The following XRCC6 variants were observed in gnomAD, a reference collection of about 807,000 sequenced individuals.
XRCC6 encodes X-ray repair cross complementing 6.
Under a neutral mutation model 65.7 loss-of-function variants are expected in XRCC6, and 5 were observed. That is an observed-to-expected ratio of 0.08 (90% CI 0.04 to 0.16). The LOEUF is 0.16. XRCC6 is among the 10% of genes least tolerant of loss of function. XRCC6 has a pLI of 1.00. For missense variants in XRCC6, 447 were observed against 738.1 expected, an observed-to-expected ratio of 0.61 and a Z score of 4.57; for synonymous variants, 270 against 270.6, an observed-to-expected ratio of 1.00 and a Z score of 0.02.
intron 10 of XRCC6, among the ~76,000 whole-genome samples, chr22:41,657,490 T>TATTA (rs1491537473): frequency 1.0e-4 from 14 of 138,244 alleles, no homozygotes; most frequent in Non-Finnish European, 2.2e-4. Context: ...TTTTTAAAAA[T>TATTA]TTATTATTAT....
chr22:41,640,000 A>C (rs2067857936), intron 6 of XRCC6, among the ~76,000 whole-genome samples: 1 of 151,570 alleles, frequency 6.6e-6, no homozygotes, highest in South Asian at 2.1e-4. Flanking sequence ...TAGAATCCTA[A>C]AGGTTACTCA....
intron 7 of XRCC6, among the ~76,000 whole-genome samples, chr22:41,649,140 ATATATATAT>A (rs1569093119): frequency 4.3e-5 from 4 of 92,794 alleles, no homozygotes; most frequent in South Asian, 3.9e-4. Flanking sequence ...AAAAAAAAAA[ATATATATAT>A]ATATATATAT....
chr22:41,658,167 CTGTAGTATCTCA>C (rs1223786342), intron 10 of XRCC6, 73 bp from the exon 11 acceptor site: 5 of 1,382,152 alleles, frequency 3.6e-6, no homozygotes, highest in Non-Finnish European at 5.1e-6. Context: ...CACCCCGGAC[CTGTAGTATCTCA>C]GGTGGTTTTA....
intron 5 of XRCC6, 76 bp downstream of exon 5, chr22:41,636,846 G>T (rs111512580): frequency 7.3e-6 from 11 of 1,514,534 alleles, no homozygotes; most frequent in African/African-American, 4.2e-5. Context: ...TAGGAGTTCA[G>T]GAGTCTTGGC....
rs568340543 is a variant in XRCC6 at position 41,633,025 on chromosome 22, G to C, written c.196-3088G>C. Among the ~76,000 whole-genome samples, 12 of 152,172 alleles carry C rather than the reference G, an allele frequency of 7.9e-5. No individual in the cohort carries two copies. The South Asian group carries it at 2.1e-3, about 26-fold the overall frequency. ...GCCTGTAGTCTCAGCTACTCCAGAG[G>C]CTGAGGCAGGAGAATCGCTTGCACC... On this transcript the variant is annotated intron_variant, in intron 3 of 12. Transcript: ENST00000360079.
chr22:41,627,094 A>C (rs1193497125), intron 2 of XRCC6, among the ~76,000 whole-genome samples: 1 of 152,190 alleles, frequency 6.6e-6, no homozygotes, highest in Non-Finnish European at 1.5e-5. Context: ...TTTTTTAAAA[A>C]GGCAATCAGC....
intron 2 of XRCC6, among the ~76,000 whole-genome samples, chr22:41,624,142 T>C (rs1179924798): frequency 6.6e-6 from 1 of 151,944 alleles, no homozygotes; most frequent in Non-Finnish European, 1.5e-5. Context: ...CCCAACACTT[T>C]GGGAGGCTGA....
chr22:41,661,942 T>C (rs2068103668), intron 12 of XRCC6, among the ~76,000 whole-genome samples: 1 of 152,172 alleles, frequency 6.6e-6, no homozygotes, highest in South Asian at 2.1e-4. Context: ...TTTGCAATAA[T>C]ATGTTAAGTG....
At chr22:41,630,504 T>TTA (rs2067728883) in intron 3 of XRCC6, among the ~76,000 whole-genome samples, 3 of 147,556 alleles carry the variant, frequency 2.0e-5, no homozygotes, top group African/African-American at 7.6e-5. Flanking sequence ...TTTTTTTTTT[T>TTA]AATTTATTTT....
chr22:41,643,031 G>A (rs1256815821), intron 6 of XRCC6, among the ~76,000 whole-genome samples: 1 of 152,212 alleles, frequency 6.6e-6, no homozygotes, highest in African/African-American at 2.4e-5. Flanking sequence ...ACAGACACTT[G>A]TCTAAACATG....
intron 6 of XRCC6, among the ~76,000 whole-genome samples, chr22:41,641,537 A>G (rs1342177402): frequency 2.0e-5 from 3 of 152,010 alleles, no homozygotes; most frequent in African/African-American, 7.2e-5. Flanking sequence ...ATCTGCTCTA[A>G]AGTATTAGAT....
At chr22:41,632,192 G>T (rs1269678857) in intron 3 of XRCC6, among the ~76,000 whole-genome samples, 1 of 151,980 alleles carries the variant, frequency 6.6e-6, no homozygotes, top group Non-Finnish European at 1.5e-5. Context: ...GAGGGAGAGG[G>T]ATTACTGTTT....
chr22:41,649,698 C>CA (rs976511855), intron 7 of XRCC6, among the ~76,000 whole-genome samples: 3 of 151,500 alleles, frequency 2.0e-5, no homozygotes, highest in African/African-American at 7.3e-5. Flanking sequence ...ACTAAAAATA[C>CA]AAAAAAATTA....
chr22:41,653,175 T>G (rs1489580261), intron 8 of XRCC6, among the ~76,000 whole-genome samples: 1 of 152,002 alleles, frequency 6.6e-6, no homozygotes, highest in Non-Finnish European at 1.5e-5. Flanking sequence ...AGGCTGAGGC[T>G]GGAGGATCAC....
At chr22:41,657,819 T>C (rs932770677) in intron 10 of XRCC6, among the ~76,000 whole-genome samples, 1 of 152,018 alleles carries the variant, frequency 6.6e-6, no homozygotes, top group Non-Finnish European at 1.5e-5. Context: ...GTGCCCAGGC[T>C]GGTTTGCTTT....
intron 2 of XRCC6, among the ~76,000 whole-genome samples, chr22:41,624,118 C>G (rs1467248313): frequency 6.6e-6 from 1 of 152,054 alleles, no homozygotes; most frequent in Non-Finnish European, 1.5e-5. Context: ...GGTGTGGTGG[C>G]TCACGCCTGT....
chr22:41,624,533 A>G (rs1262425585), intron 2 of XRCC6, among the ~76,000 whole-genome samples: 1 of 151,240 alleles, frequency 6.6e-6, no homozygotes, highest in Non-Finnish European at 1.5e-5. Context: ...AAAAAAATAC[A>G]AAAAATTAGC....
chr22:41,636,275 T>C, intron 4 of XRCC6, 24 bp downstream of exon 4: 1 of 1,567,962 alleles, frequency 6.4e-7, no homozygotes, highest in South Asian at 1.2e-5. Context: ...TAAGATCAGC[T>C]TTTCCCTTAT....
At chr22:41,633,584 T>C (rs987431699) in intron 3 of XRCC6, among the ~76,000 whole-genome samples, 6 of 152,168 alleles carry the variant, frequency 3.9e-5, no homozygotes, top group Admixed American at 6.6e-5. Context: ...GGTTTCACCA[T>C]GTTAGCCAGG....
Sources: gnomAD v4.1 joint callset for allele counts (sites outside exome capture counted in the v4.1 genomes callset) on GRCh38, gnomAD v4.1.1 for gene constraint, MANE v1.5 for transcripts, NCBI Gene and HGNC (gene_info 2026-07-23, HGNC 2026-07-21) for gene names.